SOS1: variants seen among roughly 807,000 people sequenced by gnomAD.
SOS1 encodes the protein son of sevenless homolog 1.
In SOS1, 25 loss-of-function variants were observed where a neutral mutation model predicts 157.6. The observed-to-expected ratio is 0.16, with a 90% confidence interval of 0.12 to 0.22. SOS1 has a LOEUF of 0.22. SOS1 is among the 10% of genes least tolerant of loss of function. The pLI, the probability that SOS1 is intolerant of heterozygous loss-of-function variation, is 1.00. For synonymous variants in SOS1, 528 were observed against 534.0 expected (o/e 0.99, Z 0.16); for missense variants, 1,237 against 1,599.1 (o/e 0.77, Z 3.86).
Position 39,023,124 on chromosome 2 carries a change from T to C in SOS1, c.1304A>G (p.Lys435Arg). ...TTCATTACAACACTGTCCAATGTCT[T>C]TTCCCTCCCAACCATCAATATTCTT... ...IQKNIDGWEG[K>R]DIGQCCNEFI... Residue 435 changes from lysine (K) to arginine (R), a missense_variant, in exon 10 of 23, where the codon AAA (lysine) becomes AGA (arginine). This residue lies in a region of SOS1 where 210 missense variants were observed against 220.2 expected (regional missense o/e 0.95). Coordinates refer to ENST00000402219, the MANE Select transcript of SOS1 (RefSeq NM_005633.4). 1 of 1,613,482 alleles carries C rather than the reference T, an allele frequency of 6.2e-7. No individual in the cohort carries two copies. The highest frequency in any genetic ancestry group is 8.5e-7 in the Non-Finnish European group (1 of 1,179,604).
chr2:39,014,396 C>G (rs1467540102), intron 11 of SOS1, among the ~76,000 whole-genome samples: 3 of 151,994 alleles, frequency 2.0e-5, no homozygotes, highest in Non-Finnish European at 4.4e-5. Flanking sequence ...TATTTTCCTT[C>G]CATCACAGTA....
intron 2 of SOS1, among the ~76,000 whole-genome samples, chr2:39,064,515 C>G (rs1476015632): frequency 1.3e-5 from 2 of 151,910 alleles, no homozygotes; most frequent in Non-Finnish European, 2.9e-5. Context: ...ATAATAAGGG[C>G]CCATTTCAAG....
chr2:39,064,742 A>ATTTTTTTTTTTTTTT (rs4015841), intron 2 of SOS1, among the ~76,000 whole-genome samples: 1 of 74,816 alleles, frequency 1.3e-5, no homozygotes, highest in Non-Finnish European at 2.3e-5. Flanking sequence ...TTTAAAATAC[A>ATTTTTTTTTTTTTTT]TTTTTTTTTT....
intron 17 of SOS1, 59 bp from the exon 18 acceptor site, chr2:38,997,484 G>GAAGATATAATGGAATGA: frequency 1.8e-6 from 2 of 1,129,846 alleles, no homozygotes; most frequent in Non-Finnish European, 2.6e-6. Context: ...GTTTTTTTCT[G>GAAGATATAATGGAATGA]TTTCATTAAT....
intron 8 of SOS1, among the ~76,000 whole-genome samples, chr2:39,032,993 G>C (rs909368564): frequency 6.6e-6 from 1 of 151,848 alleles, no homozygotes; most frequent in Non-Finnish European, 1.5e-5. Flanking sequence ...CAAGCGAAGA[G>C]GCAGTAATAT....
upstream of SOS1, among the ~76,000 whole-genome samples, chr2:39,124,713 C>T (rs573053571): frequency 6.6e-6 from 1 of 152,366 alleles, no homozygotes; most frequent in African/African-American, 2.4e-5. Flanking sequence ...TTCCAAAGTC[C>T]TTAACCTGGT....
At chr2:39,109,504 C>A (rs917281122) in intron 1 of SOS1, among the ~76,000 whole-genome samples, 2 of 152,336 alleles carry the variant, frequency 1.3e-5, no homozygotes, top group Middle Eastern at 3.4e-3. Flanking sequence ...CAGCCTCCCC[C>A]TCTCCTGAGA....
chr2:38,986,560 G>C (rs1668566775), intron 22 of SOS1, among the ~76,000 whole-genome samples: 1 of 151,674 alleles, frequency 6.6e-6, no homozygotes, highest in South Asian at 2.1e-4. Context: ...CAACTTCCTG[G>C]GCTCAAGTGA....
chr2:39,059,730 G>T (rs1379580440), intron 2 of SOS1, among the ~76,000 whole-genome samples: 1 of 152,124 alleles, frequency 6.6e-6, no homozygotes, highest in Non-Finnish European at 1.5e-5. Context: ...TGCCCTTGGT[G>T]GTGAGGGAGG....
chr2:39,050,972 CTAAGA>C (rs930732619), intron 6 of SOS1, among the ~76,000 whole-genome samples, 167 bp downstream of exon 6: 1 of 152,004 alleles, frequency 6.6e-6, no homozygotes, highest in Non-Finnish European at 1.5e-5. Context: ...TTTCTGTTTG[CTAAGA>C]TAACAGAAAC....
At chr2:39,006,802 C>T (rs1474656541) in intron 16 of SOS1, among the ~76,000 whole-genome samples, 1 of 151,958 alleles carries the variant, frequency 6.6e-6, no homozygotes, top group Non-Finnish European at 1.5e-5. Context: ...AATTAAGTGC[C>T]GAAAGTTTTT....
chr2:39,017,419 T>G (rs1669665093), intron 10 of SOS1, among the ~76,000 whole-genome samples: 1 of 152,088 alleles, frequency 6.6e-6, no homozygotes, highest in African/African-American at 2.4e-5. Context: ...TAATTGTGAT[T>G]CTGTAACTCT....
intron 1 of SOS1, among the ~76,000 whole-genome samples, chr2:39,106,974 T>C (rs541250253): frequency 3.3e-5 from 5 of 152,234 alleles, no homozygotes; most frequent in Non-Finnish European, 5.9e-5. Context: ...TACATAAACA[T>C]TGAATATGAA....
chr2:39,004,986 T>A (rs1483978150), intron 17 of SOS1, among the ~76,000 whole-genome samples: 2 of 152,160 alleles, frequency 1.3e-5, no homozygotes, highest in African/African-American at 4.8e-5. Flanking sequence ...TAAAATCACA[T>A]ATCAACAGTT....
At position 38,986,300 on chromosome 2, in the gene SOS1, A is replaced by G; in HGVS notation, c.3526T>C (p.Leu1176=). ...SSPSKIMSKH[L]DSPPAIPPRQ... ...GGAGGAATGGCTGGGGGACTGTCCA[A>G]ATGCTTAGACATAATCTAACAAATG... is the stretch of plus-strand genomic sequence containing the variant. The change falls in exon 23 of 23, where the codon TTG becomes CTG. Residue 1176 remains leucine (L), a synonymous_variant. Coordinates refer to ENST00000402219, the MANE Select transcript of SOS1 (RefSeq NM_005633.4). The G allele has an allele frequency of 6.2e-7, 1 of 1,612,704 alleles. No individual in the cohort carries two copies. The highest frequency in any genetic ancestry group is 1.1e-5 in the South Asian group (1 of 91,042).
intron 2 of SOS1, among the ~76,000 whole-genome samples, chr2:39,060,586 CAGCT>C: frequency 6.6e-6 from 1 of 152,238 alleles, no homozygotes; most frequent in Non-Finnish European, 1.5e-5. Context: ...CTACCATGCC[CAGCT>C]AATTTTTGTA....
intron 1 of SOS1, among the ~76,000 whole-genome samples, chr2:39,080,102 A>C (rs535321542): frequency 6.6e-6 from 1 of 152,186 alleles, no homozygotes; most frequent in East Asian, 1.9e-4. Context: ...GTAATATATA[A>C]TAAAATAATT....
chr2:39,096,801 G>A (rs1672781561), intron 1 of SOS1, among the ~76,000 whole-genome samples: 1 of 151,798 alleles, frequency 6.6e-6, no homozygotes, highest in African/African-American at 2.4e-5. Flanking sequence ...CAGGAGAATG[G>A]TGTAAACCCA....
intron 6 of SOS1, among the ~76,000 whole-genome samples, chr2:39,047,801 G>A (rs532219660): frequency 2.0e-5 from 3 of 148,398 alleles, no homozygotes; most frequent in Admixed American, 6.8e-5. Flanking sequence ...TCGAGTAACC[G>A]GGATTGCAGG....
Sources: allele counts gnomAD v4.1 joint callset (sites outside exome capture counted in the v4.1 genomes callset), GRCh38; gene constraint gnomAD v4.1.1; regional missense constraint gnomAD v4.1.1; transcripts MANE v1.5; gene names NCBI Gene and HGNC (gene_info 2026-07-23, HGNC 2026-07-21).